Variants in UBOX5 observed in about 807,000 individuals in gnomAD.
The protein encoded by UBOX5 is U-box domain containing 5.
UBOX5 carries 28 observed loss-of-function variants against 39.0 expected under a neutral mutation model. The ratio of observed to expected loss-of-function variants is 0.72; its 90% confidence interval spans 0.53 to 0.98. UBOX5 has a LOEUF of 0.98. Ranked by LOEUF, UBOX5 falls within the 50% of genes least tolerant of loss-of-function variation. The pLI is 0.00. For synonymous variants in UBOX5, 283 were observed against 275.5 expected, an observed-to-expected ratio of 1.03 and a Z score of -0.27; for missense variants, 585 against 674.4, an observed-to-expected ratio of 0.87 and a Z score of 1.47.
Position 3,109,887 on chromosome 20 carries a change from C to T in UBOX5, c.*219G>A, listed in dbSNP as rs917302041. 8 of 611,380 alleles carry T rather than the reference C, an allele frequency of 1.3e-5. No homozygotes were observed. The highest frequency in any genetic ancestry group is 1.1e-4 in the African/African-American group (6 of 54,044). The allele number at this position is 611,380 out of a possible 1,614,324, so 37.9% of individuals were successfully genotyped here. On this transcript the variant is annotated 3_prime_UTR_variant, in exon 5 of 5. Transcript: ENST00000217173. ...TCAGGCAGGGGGGGTGGCAGGGAGG[C>T]AGGGACATCCCCCCGCCCTCTGGCC...
intron 1 of UBOX5, among the ~76,000 whole-genome samples, chr20:3,142,281 G>A (rs2066523385): frequency 1.3e-5 from 2 of 151,988 alleles, no homozygotes; most frequent in African/African-American, 2.4e-5. Context: ...GGGCAACATG[G>A]TGAAACCCCA....
At position 3,118,854 on chromosome 20, in the gene UBOX5, G is replaced by A. The variant is rs1324250018; in HGVS notation, c.1255+2530C>T. On this transcript the variant is annotated intron_variant, in intron 3 of 4. Transcript: ENST00000217173. ...TTCCAGAGGCTGAGGCATGAGAATT[G>A]CTTGAACCCGGGAGGCAGAGATTGA... Among the ~76,000 whole-genome samples the A allele has an allele frequency of 2.0e-5, 3 of 152,032 alleles. No individual in the cohort carries two copies. The East Asian group carries it at 5.8e-4, about 29-fold the overall frequency.
chr20:3,154,394 A>G (rs548137826), intron 1 of UBOX5, among the ~76,000 whole-genome samples: 5 of 152,370 alleles, frequency 3.3e-5, no homozygotes, highest in Non-Finnish European at 5.9e-5. Context: ...AGAATATGTT[A>G]CCACAGGCAG....
chr20:3,141,703 T>C (rs2066518598), intron 1 of UBOX5, among the ~76,000 whole-genome samples: 1 of 151,742 alleles, frequency 6.6e-6, no homozygotes, highest in South Asian at 2.1e-4. Flanking sequence ...AAAAGGTTTA[T>C]AAAAACCCCA....
intron 1 of UBOX5, among the ~76,000 whole-genome samples, chr20:3,158,742 G>A (rs2066716126): frequency 6.6e-6 from 1 of 152,206 alleles, no homozygotes; most frequent in Admixed American, 6.5e-5. Flanking sequence ...CCAAAGTGCT[G>A]GGATTACAGG....
Position 3,121,399 on chromosome 20 carries a change from T to C in UBOX5, c.1240A>G (p.Met414Val). 6.2e-7 allele frequency: 1 copy of C among 1,612,628 alleles called. No individual in the cohort carries two copies. The highest frequency in any genetic ancestry group is 8.5e-7 in the Non-Finnish European group (1 of 1,179,184). The change falls in exon 3 of 5, where the codon ATG becomes GTG. Residue 414 changes from methionine to valine, a missense_variant. Coordinates refer to ENST00000217173, the MANE Select transcript of UBOX5 (RefSeq NM_014948.4). ...GCTGAATTACCTGTCGAGCAGTCCA[T>C]ATGTGTCAGGCTGGGCTCATTGGTG... ...KATNEPSLTH[M>V]DCSTGPLSHE...
intron 1 of UBOX5, among the ~76,000 whole-genome samples, chr20:3,129,559 C>A (rs1438973498): frequency 5.9e-5 from 9 of 152,156 alleles, no homozygotes; most frequent in African/African-American, 2.2e-4. Flanking sequence ...ACCCTCACCA[C>A]CCCCTGCAAA....
Position 3,159,682 on chromosome 20 carries a change from AC to A in UBOX5, c.-42+83del, listed in dbSNP as rs1173259825. 6.6e-5 allele frequency: 10 copies of A among 152,276 alleles called. 1 individual carries two copies. The highest frequency in any genetic ancestry group is 6.5e-4 in the Admixed American group (10 of 15,288). 9.4% of individuals were successfully genotyped at this position (152,276 alleles called of 1,614,324 possible). A position where few individuals can be genotyped will look rare whatever the true frequency, so the allele number is the denominator to read the frequency against. ...CTCCAGCTCTGGGCCGGCCGGGAGG[AC>A]AGGAGGCACAGGCCAAGGCCCAGGA... On this transcript the variant is annotated intron_variant, in intron 1 of 4. Coordinates refer to ENST00000217173, the MANE Select transcript of UBOX5 (RefSeq NM_014948.4).
At chr20:3,147,824 G>GCAGC in intron 1 of UBOX5, 1 of 1,614,168 alleles carries the variant, frequency 6.2e-7, no homozygotes, top group Non-Finnish European at 8.5e-7. Context: ...AGGCAAAGAC[G>GCAGC]CAGCCACTGC....
chr20:3,119,299 G>A (rs148584749), intron 3 of UBOX5, among the ~76,000 whole-genome samples: 48 of 152,276 alleles, frequency 3.2e-4, no homozygotes, highest in African/African-American at 1.1e-3. Context: ...ATGCATCAAC[G>A]AGCTGAATCT....
In UBOX5 at chr20:3,109,563, C is replaced by T. The variant is rs2066236791; in HGVS notation, c.*543G>A. 1 of 167,272 alleles carries T rather than the reference C, an allele frequency of 6.0e-6. No homozygotes were observed. The highest frequency in any genetic ancestry group is 5.6e-5 in the Admixed American group (1 of 18,016). 10.4% of individuals were successfully genotyped at this position (167,272 alleles called of 1,614,324 possible). A position where few individuals can be genotyped will look rare whatever the true frequency, so the allele number is the denominator to read the frequency against. On this transcript the variant is annotated 3_prime_UTR_variant, in exon 5 of 5. Transcript: ENST00000217173. ...CACTTGTGTGGGTGCAGGTGGGCGACAGGAGTGTGTGACACAGACAGGCAC... is the reference window on the plus strand; with the variant it reads ...CACTTGTGTGGGTGCAGGTGGGCGATAGGAGTGTGTGACACAGACAGGCAC...
intron 4 of UBOX5, among the ~76,000 whole-genome samples, chr20:3,112,428 GAAAAAAAA>G (rs11477759): frequency 8.3e-6 from 1 of 120,996 alleles, no homozygotes; most frequent in South Asian, 2.8e-4. Context: ...TTCAGTGACA[GAAAAAAAA>G]AAAAAAAAAT....
In UBOX5 at chr20:3,122,221, G is replaced by A; in HGVS notation, c.418C>T (p.Pro140Ser). The change falls in exon 3 of 5, where the codon CCC becomes TCC. Residue 140 changes from proline (P) to serine (S), a missense_variant. Coordinates refer to ENST00000217173, the MANE Select transcript of UBOX5 (RefSeq NM_014948.4). ...VFSHRGFKAR[P>S]PFGAMEATLP... is the part of the protein sequence containing the mutation. Reference sequence around the variant, plus strand: ...GTGGCTTCCATCGCGCCAAAAGGGGGCCTGGCCTTGAAGCCCCTGTGGCTA... The same window carrying A: ...GTGGCTTCCATCGCGCCAAAAGGGGACCTGGCCTTGAAGCCCCTGTGGCTA... 1 of 1,614,240 alleles carries A rather than the reference G, an allele frequency of 6.2e-7. No individual in the cohort carries two copies.
chr20:3,129,033 G>A (rs2066410656), intron 1 of UBOX5, among the ~76,000 whole-genome samples: 1 of 152,096 alleles, frequency 6.6e-6, no homozygotes, highest in Non-Finnish European at 1.5e-5. Context: ...CCTCTGTGTG[G>A]AAGCGAGTCA....
chr20:3,110,689 T>C, intron 4 of UBOX5: 1 of 288,650 alleles, frequency 3.5e-6, no homozygotes, highest in East Asian at 8.5e-5. Context: ...GCAAGAAATG[T>C]GAGAGGCGAC....
At chr20:3,150,728 G>A (rs933863695) in intron 1 of UBOX5, 1 of 152,170 alleles carries the variant, frequency 6.6e-6, no homozygotes, top group East Asian at 1.9e-4. Flanking sequence ...GTTCATCAAA[G>A]AACAGCAGGG....
intron 1 of UBOX5, among the ~76,000 whole-genome samples, chr20:3,155,351 G>A (rs867997270): frequency 3.9e-4 from 59 of 152,122 alleles, no homozygotes; most frequent in African/African-American, 1.3e-3. Context: ...CCAACGTGGC[G>A]AAACCACGTC....
Position 3,147,996 on chromosome 20 carries a change from T to C in UBOX5, c.-42+11770A>G, listed in dbSNP as rs374533315. On this transcript the variant is annotated intron_variant, in intron 1 of 4. Coordinates refer to ENST00000217173, the MANE Select transcript of UBOX5 (RefSeq NM_014948.4). ...TGAGTGAAACGGAACATTTTAACAATATTCACTAAGGAGCGACTACTCAGA... is the reference window on the plus strand; with the variant it reads ...TGAGTGAAACGGAACATTTTAACAACATTCACTAAGGAGCGACTACTCAGA... 25 of 1,614,068 alleles carry C rather than the reference T, an allele frequency of 1.5e-5. No homozygotes were observed. In the South Asian group the frequency reaches 2.6e-4, roughly 17 times the overall value.
intron 1 of UBOX5, among the ~76,000 whole-genome samples, chr20:3,144,108 C>T (rs2066540748): frequency 6.6e-6 from 1 of 152,090 alleles, no homozygotes; most frequent in East Asian, 1.9e-4. Flanking sequence ...CAAAATTCCC[C>T]AAAGCAAACG....
Sources: allele counts gnomAD v4.1 joint callset (sites outside exome capture counted in the v4.1 genomes callset), GRCh38; gene constraint gnomAD v4.1.1; transcripts MANE v1.5; gene names NCBI Gene and HGNC (gene_info 2026-07-23, HGNC 2026-07-21).